The following DHRS7B variants were observed in gnomAD, a reference collection of about 807,000 sequenced individuals.
The protein encoded by DHRS7B is dehydrogenase/reductase 7B, also known as peroxisomal reductase activating PPAR-gamma.
In DHRS7B, 24 loss-of-function variants were observed where a neutral mutation model predicts 26.4. The ratio of observed to expected loss-of-function variants is 0.91; its 90% CI spans 0.66 to 1.28. DHRS7B has a LOEUF of 1.28. Among genes scored for constraint, DHRS7B ranks in the 50% most tolerant of loss-of-function variants. The pLI is 0.00. For synonymous variants in DHRS7B, 142 were observed against 166.4 expected (o/e 0.85, Z 1.13); for missense variants, 368 against 419.4 (o/e 0.88, Z 1.07).
At chr17:21,170,482 AGTGTAG>A (rs1476963383) in intron 1 of DHRS7B, among the ~76,000 whole-genome samples, 1 of 152,194 alleles carries the variant, frequency 6.6e-6, no homozygotes, top group Non-Finnish European at 1.5e-5. Context: ...GGCTTGGCAT[AGTGTAG>A]GGCAAGAGGG....
intron 1 of DHRS7B, among the ~76,000 whole-genome samples, chr17:21,133,536 A>G (rs1278240522): frequency 6.6e-6 from 1 of 152,230 alleles, no homozygotes; most frequent in Non-Finnish European, 1.5e-5. Flanking sequence ...CTGTGAGCAG[A>G]GGGATGACTT....
At chr17:21,183,918 C>T (rs1377682712) in intron 4 of DHRS7B, 108 bp downstream of exon 4, 3 of 958,734 alleles carry the variant, frequency 3.1e-6, no homozygotes, top group Admixed American at 4.1e-5. Flanking sequence ...TCTCTGTTGC[C>T]CTGGAGTGGG....
At chr17:21,162,784 C>A (rs926433357) in intron 1 of DHRS7B, among the ~76,000 whole-genome samples, 1 of 152,090 alleles carries the variant, frequency 6.6e-6, no homozygotes, top group Non-Finnish European at 1.5e-5. Flanking sequence ...TTCTAGAGAC[C>A]CAATTTTTCT....
intron 1 of DHRS7B, among the ~76,000 whole-genome samples, chr17:21,152,456 A>G (rs1293225553): frequency 2.0e-5 from 3 of 152,222 alleles, no homozygotes; most frequent in Non-Finnish European, 4.4e-5. Flanking sequence ...CACCCAGCCC[A>G]GGTGTTTCTT....
At chr17:21,147,817 C>A (rs563947753) in intron 1 of DHRS7B, among the ~76,000 whole-genome samples, 1 of 152,262 alleles carries the variant, frequency 6.6e-6, no homozygotes, top group South Asian at 2.1e-4. Flanking sequence ...AAACTCTGCT[C>A]TGTAATTCAG....
intron 1 of DHRS7B, 83 bp downstream of exon 1, chr17:21,127,074 G>A: frequency 2.1e-6 from 3 of 1,403,282 alleles, no homozygotes; most frequent in Non-Finnish European, 2.8e-6. Context: ...GCTTGGGTGA[G>A]GGGAAGCGGT....
At chr17:21,137,681 TCC>T in intron 1 of DHRS7B, among the ~76,000 whole-genome samples, 1 of 152,038 alleles carries the variant, frequency 6.6e-6, no homozygotes, top group Non-Finnish European at 1.5e-5. Flanking sequence ...GGTCTCGAAC[TCC>T]CAACCTCAGG....
At chr17:21,161,168 C>A (rs1259526820) in intron 1 of DHRS7B, among the ~76,000 whole-genome samples, 1 of 152,166 alleles carries the variant, frequency 6.6e-6, no homozygotes, top group East Asian at 1.9e-4. Context: ...GAATGCATAG[C>A]ACTGAGAGTG....
At chr17:21,163,894 G>T (rs1049058411) in intron 1 of DHRS7B, among the ~76,000 whole-genome samples, 4 of 152,002 alleles carry the variant, frequency 2.6e-5, no homozygotes, top group Admixed American at 2.6e-4. Context: ...TTACCATGTT[G>T]CCCAGGCCAG....
chr17:21,146,606 A>G (rs1164109184), intron 1 of DHRS7B, among the ~76,000 whole-genome samples: 1 of 152,246 alleles, frequency 6.6e-6, no homozygotes, highest in Non-Finnish European at 1.5e-5. Flanking sequence ...TGCTATATCA[A>G]GCATTTGAAA....
intron 1 of DHRS7B, among the ~76,000 whole-genome samples, chr17:21,138,211 C>CTTTTTTTTT (rs901329961): frequency 1.3e-5 from 1 of 78,224 alleles, no homozygotes; most frequent in Non-Finnish European, 2.3e-5. Context: ...ATCCCTCCTT[C>CTTTTTTTTT]TTTTTTTTTT....
At chr17:21,128,060 C>T (rs1275038149) in intron 1 of DHRS7B, 1 of 152,146 alleles carries the variant, frequency 6.6e-6, no homozygotes, top group African/African-American at 2.4e-5. Context: ...ATCATAGGAA[C>T]TATAATTTTT....
intron 1 of DHRS7B, among the ~76,000 whole-genome samples, chr17:21,133,031 A>G (rs1005628157): frequency 1.3e-5 from 2 of 152,192 alleles, no homozygotes; most frequent in Admixed American, 1.3e-4. Context: ...TATTTAGCAA[A>G]TGAAAATAAC....
At chr17:21,177,383 T>C (rs1189621913) in intron 2 of DHRS7B, among the ~76,000 whole-genome samples, 1 of 152,198 alleles carries the variant, frequency 6.6e-6, no homozygotes, top group East Asian at 1.9e-4. Flanking sequence ...GTGAGTTTAG[T>C]TTCTGTTTCT....
At position 21,171,249 on chromosome 17, in the gene DHRS7B, G is replaced by A. The variant is rs573616632; in HGVS notation, c.21-769G>A. Among the ~76,000 whole-genome samples the A allele has an allele frequency of 1.6e-4, 24 of 152,326 alleles. No individual in the cohort carries two copies. In the South Asian group the frequency reaches 3.1e-3, roughly 20 times the overall value. On this transcript the variant is annotated intron_variant, in intron 1 of 6. Coordinates refer to ENST00000395511, the MANE Select transcript of DHRS7B (RefSeq NM_015510.5). ...ATGCGGAGGAATGGGGGAGGTTCAG[G>A]GGAAATAAGGGCAGATGGGGAAAAA...
chr17:21,163,208 AAAAAACC>A (rs1027885357), intron 1 of DHRS7B, among the ~76,000 whole-genome samples: 1 of 152,076 alleles, frequency 6.6e-6, no homozygotes, highest in African/African-American at 2.4e-5. Context: ...AAAAAACCAA[AAAAAACC>A]AAAAAACAAA....
intron 6 of DHRS7B, 101 bp from the exon 7 acceptor site, chr17:21,190,847 G>A (rs1974760839): frequency 2.5e-6 from 3 of 1,208,008 alleles, no homozygotes; most frequent in Non-Finnish European, 3.5e-6. Context: ...CTTCATGGTG[G>A]GAAAGGCAGC....
At chr17:21,190,014 G>A (rs1484672265) in intron 6 of DHRS7B, among the ~76,000 whole-genome samples, 1 of 152,084 alleles carries the variant, frequency 6.6e-6, no homozygotes, top group Non-Finnish European at 1.5e-5. Context: ...CAAAAAATAC[G>A]AAAATTAGCC....
chr17:21,132,466 G>A (rs1347221110), intron 1 of DHRS7B, among the ~76,000 whole-genome samples: 1 of 149,494 alleles, frequency 6.7e-6, no homozygotes, highest in Non-Finnish European at 1.5e-5. Flanking sequence ...GGGAGGTTGA[G>A]GCTGCAGTGA....
Sources: gnomAD v4.1 joint callset for allele counts (sites outside exome capture counted in the v4.1 genomes callset) on GRCh38, gnomAD v4.1.1 for gene constraint, MANE v1.5 for transcripts, NCBI Gene and HGNC (gene_info 2026-07-23, HGNC 2026-07-21) for gene names.